RFT1: variants seen among roughly 807,000 people sequenced by gnomAD.
RFT1 encodes the protein man(5)GlcNAc(2)-PP-dolichol translocation protein RFT1.
In RFT1, 43 loss-of-function variants were observed where a neutral mutation model predicts 62.2. That is an observed-to-expected ratio of 0.69 (90% CI 0.54 to 0.89). RFT1 has a LOEUF of 0.89. Among genes scored for constraint, RFT1 ranks in the 40% least tolerant of loss-of-function variants. RFT1 has a pLI of 0.00. For synonymous variants in RFT1, 262 were observed against 264.6 expected (o/e 0.99, Z 0.10); for missense variants, 605 against 649.9 (o/e 0.93, Z 0.75).
intron 5 of RFT1, 76 bp downstream of exon 5, chr3:53,121,623 A>T: frequency 8.5e-7 from 1 of 1,176,832 alleles, no homozygotes; most frequent in Non-Finnish European, 1.2e-6. Context: ...TGCAGACCAC[A>T]CGGCGGTGGG....
In RFT1 at chr3:53,099,510, A is replaced by G. The variant is rs2581829; in HGVS notation, c.1103-24T>C. On this transcript the variant is annotated intron_variant, in intron 10 of 12. Coordinates refer to ENST00000296292, the MANE Select transcript of RFT1 (RefSeq NM_052859.4). ...ACCTACAAGGAAACAACTCACTGAGACTCCAGAGCCCAATCAGAAGGCCCA... is the reference window on the plus strand; with the variant it reads ...ACCTACAAGGAAACAACTCACTGAGGCTCCAGAGCCCAATCAGAAGGCCCA... 931,173 of 1,591,658 alleles carry G rather than the reference A, an allele frequency of 0.59. 277,618 individuals are homozygous for G. Among genetic ancestry groups the G allele is most frequent in the East Asian group, 0.76 (34,063 of 44,652 alleles).
chr3:53,128,978 G>A (rs962540923), intron 1 of RFT1, among the ~76,000 whole-genome samples: 4 of 152,168 alleles, frequency 2.6e-5, no homozygotes, highest in African/African-American at 7.2e-5. Flanking sequence ...CACCTGACTC[G>A]TAGTCCAGTG....
rs757648429 is a variant in RFT1 at position 53,092,038 on chromosome 3, G to C, written c.1491C>G (p.Ala497=). Residue 497 remains alanine, a synonymous_variant, in exon 13 of 13, where the codon GCC becomes GCG. Coordinates refer to ENST00000296292, the MANE Select transcript of RFT1 (RefSeq NM_052859.4). The part of the protein sequence containing the change: ...VFLCCEQGWP[A]RLAHIAVGAF... Reference sequence around the variant, plus strand: ...CCCCCACAGCAATGTGTGCCAGTCTGGCTGGCCAGCCCTGCTCACAGCAGA... The same window carrying C: ...CCCCCACAGCAATGTGTGCCAGTCTCGCTGGCCAGCCCTGCTCACAGCAGA... The C allele has an allele frequency of 5.0e-6, 8 of 1,614,252 alleles. No homozygotes were observed. Among genetic ancestry groups the C allele is most frequent in the Non-Finnish European group, 6.8e-6 (8 of 1,180,040 alleles).
downstream of RFT1, among the ~76,000 whole-genome samples, chr3:53,086,363 T>G: frequency 6.6e-6 from 1 of 152,210 alleles, no homozygotes; most frequent in Non-Finnish European, 1.5e-5. Flanking sequence ...TCACCCAGGC[T>G]GGAGTGCAGT....
intron 10 of RFT1, chr3:53,103,138 C>G: frequency 1.0e-6 from 1 of 985,434 alleles, no homozygotes; most frequent in Non-Finnish European, 1.2e-6. Context: ...TCCCCTAACA[C>G]CAAAAGTTTG....
intron 9 of RFT1, among the ~76,000 whole-genome samples, chr3:53,104,811 A>C (rs1215191926): frequency 1.3e-5 from 2 of 152,250 alleles, no homozygotes; most frequent in Non-Finnish European, 2.9e-5. Flanking sequence ...TCCTACAACA[A>C]AATACTCCTA....
downstream of RFT1, among the ~76,000 whole-genome samples, chr3:53,083,618 G>A (rs559651864): frequency 3.3e-5 from 5 of 152,292 alleles, no homozygotes; most frequent in Non-Finnish European, 4.4e-5. Flanking sequence ...CCCAGGGCCC[G>A]GCGCTTGGCC....
intron 11 of RFT1, among the ~76,000 whole-genome samples, chr3:53,096,674 C>T (rs531462042): frequency 1.6e-4 from 24 of 152,142 alleles, no homozygotes; most frequent in Admixed American, 7.2e-4. Flanking sequence ...CAGAGCGAGA[C>T]TCTTGTCTCA....
At chr3:53,104,570 A>C (rs1205031356) in intron 9 of RFT1, among the ~76,000 whole-genome samples, 1 of 152,182 alleles carries the variant, frequency 6.6e-6, no homozygotes, top group Non-Finnish European at 1.5e-5. Flanking sequence ...TTTCATATAC[A>C]CTAGCCAGCT....
downstream of RFT1, among the ~76,000 whole-genome samples, chr3:53,085,111 C>T (rs1360933088): frequency 6.6e-6 from 1 of 152,188 alleles, no homozygotes; most frequent in Non-Finnish European, 1.5e-5. Context: ...AGGTGAGAGA[C>T]TGCCCCCTCA....
chr3:53,067,075 C>G, the RFT1 span, among the ~76,000 whole-genome samples: 1 of 152,232 alleles, frequency 6.6e-6, no homozygotes, highest in Non-Finnish European at 1.5e-5. Context: ...CGCCTGTAAT[C>G]CCAGCACTTT....
intron 4 of RFT1, among the ~76,000 whole-genome samples, 198 bp from the exon 5 acceptor site, chr3:53,121,998 A>C (rs1213359281): frequency 1.3e-5 from 2 of 152,234 alleles, no homozygotes; most frequent in Non-Finnish European, 2.9e-5. Context: ...TTATGCTTTA[A>C]GATTTACATT....
At chr3:53,115,008 C>T (rs548998664) in intron 6 of RFT1, among the ~76,000 whole-genome samples, 1 of 152,266 alleles carries the variant, frequency 6.6e-6, no homozygotes, top group East Asian at 1.9e-4. Flanking sequence ...CCTCTTGCTC[C>T]ACCTATCCCA....
the RFT1 span, among the ~76,000 whole-genome samples, chr3:53,072,803 A>G: frequency 2.0e-5 from 3 of 152,186 alleles, no homozygotes; most frequent in Admixed American, 6.5e-5. Context: ...CATCTGCTCA[A>G]CAACCCTTTG....
In RFT1 at chr3:53,090,599, T is replaced by C. The variant is rs1212746510; in HGVS notation, c.*1304A>G. The C allele has an allele frequency of 1.3e-5, 2 of 152,160 alleles. No individual in the cohort carries two copies. Among genetic ancestry groups the C allele is most frequent in the African/African-American group, 4.8e-5 (2 of 41,418 alleles). 9.4% of individuals were successfully genotyped at this position (152,160 alleles called of 1,614,324 possible). A position where few individuals can be genotyped will look rare whatever the true frequency, so the allele number is the denominator to read the frequency against. On this transcript the variant is annotated 3_prime_UTR_variant, in exon 13 of 13. Transcript: ENST00000296292. ...TGGGTACTGGCTCTGGGCAAGCAGA[T>C]TTAAATACATGCATTTTAATGCATG... is the stretch of plus-strand genomic sequence containing the variant.
intron 6 of RFT1, among the ~76,000 whole-genome samples, chr3:53,118,302 G>A (rs905218590): frequency 2.0e-5 from 3 of 152,134 alleles, no homozygotes; most frequent in South Asian, 2.1e-4. Context: ...CTGCACTCTC[G>A]GACCTGCTCT....
At chr3:53,078,035 G>T in the RFT1 span, 1 of 152,192 alleles carries the variant, frequency 6.6e-6, no homozygotes, top group East Asian at 1.9e-4. Context: ...AATATGACCT[G>T]GGCAGGCTCC....
intron 7 of RFT1, among the ~76,000 whole-genome samples, chr3:53,110,219 G>A (rs1199499057): frequency 6.6e-6 from 1 of 152,192 alleles, no homozygotes; most frequent in African/African-American, 2.4e-5. Flanking sequence ...ATGCATATGA[G>A]CAACCGTCCT....
the RFT1 span, among the ~76,000 whole-genome samples, chr3:53,074,111 G>A: frequency 6.6e-6 from 1 of 152,110 alleles, no homozygotes; most frequent in Non-Finnish European, 1.5e-5. Flanking sequence ...AGGTGATCAG[G>A]GCCACATCTG....
Sources: allele counts gnomAD v4.1 joint callset (sites outside exome capture counted in the v4.1 genomes callset), GRCh38; gene constraint gnomAD v4.1.1; transcripts MANE v1.5; gene names NCBI Gene and HGNC (gene_info 2026-07-23, HGNC 2026-07-21).